The following CTNNA2 variants were observed in gnomAD, a reference collection of about 807,000 sequenced individuals.
CTNNA2 encodes catenin alpha-2.
In CTNNA2, 42 loss-of-function variants were observed where a neutral mutation model predicts 101.0. The observed-to-expected ratio is 0.42, with a 90% CI of 0.32 to 0.54. The LOEUF is 0.54. Among genes scored for constraint, CTNNA2 ranks in the 20% least tolerant of loss-of-function variants. The pLI, the probability that CTNNA2 is intolerant of heterozygous loss-of-function variation, is 0.14. For missense variants in CTNNA2, 871 were observed against 1,223.1 expected (o/e 0.71, Z 4.29); for synonymous variants, 450 against 456.4 (o/e 0.99, Z 0.18).
At chr2:80,472,724 G>T (rs190331745) in intron 9 of CTNNA2, among the ~76,000 whole-genome samples, 5 of 152,154 alleles carry the variant, frequency 3.3e-5, no homozygotes, top group Non-Finnish European at 7.3e-5. Context: ...CTAGGGTGGG[G>T]AGAGATGGAG....
chr2:79,880,323 G>A lies in CTNNA2; in HGVS notation c.852+5981G>A, dbSNP rs185542251. Among the ~76,000 whole-genome samples, 48 of 152,058 alleles carry A rather than the reference G, an allele frequency of 3.2e-4. No homozygotes were observed. In the East Asian group the frequency reaches 7.2e-3, roughly 23 times the overall value. On this transcript the variant is annotated intron_variant, in intron 6 of 18. Transcript: ENST00000402739. ...CTCAGTTTCAGTATCAAGATGATGC[G>A]GGCTCCATAAAATGAGTTAGGGAGG...
chr2:80,456,193 T>G (rs1429184055), intron 9 of CTNNA2, among the ~76,000 whole-genome samples: 1 of 152,208 alleles, frequency 6.6e-6, no homozygotes, highest in Non-Finnish European at 1.5e-5. Flanking sequence ...CCTGAGCTAT[T>G]GGTGACATGG....
intron 7 of CTNNA2, among the ~76,000 whole-genome samples, chr2:80,349,694 A>G (rs184383643): frequency 6.6e-6 from 1 of 152,036 alleles, no homozygotes; most frequent in Admixed American, 6.5e-5. Flanking sequence ...TAATGAATGA[A>G]TTAATTAAAT....
At chr2:79,584,547 G>A (rs1200887740) in intron 1 of CTNNA2, among the ~76,000 whole-genome samples, 11 of 147,458 alleles carry the variant, frequency 7.5e-5, no homozygotes, top group Admixed American at 2.7e-4. Flanking sequence ...TTTTTTTGAC[G>A]GAGTCTTGCT....
intron 7 of CTNNA2, among the ~76,000 whole-genome samples, chr2:80,208,467 G>C (rs931775476): frequency 1.3e-5 from 2 of 152,134 alleles, no homozygotes; most frequent in Non-Finnish European, 2.9e-5. Flanking sequence ...TCAACAAAAT[G>C]TATTGATGGA....
chr2:80,555,671 T>C (rs769230905), intron 11 of CTNNA2, 22 bp from the exon 12 acceptor site: 48 of 1,391,848 alleles, frequency 3.4e-5, no homozygotes, highest in Non-Finnish European at 4.3e-5. Flanking sequence ...GTCATCTAAA[T>C]GTGTATGTGT....
intron 7 of CTNNA2, among the ~76,000 whole-genome samples, chr2:79,978,230 T>G (rs1691006532): frequency 6.6e-6 from 1 of 152,186 alleles, no homozygotes; most frequent in Non-Finnish European, 1.5e-5. Flanking sequence ...ACCGTATATT[T>G]GTCTTGCACG....
At chr2:79,813,522 C>A (rs1451342606) in intron 3 of CTNNA2, among the ~76,000 whole-genome samples, 1 of 152,176 alleles carries the variant, frequency 6.6e-6, no homozygotes, top group Non-Finnish European at 1.5e-5. Flanking sequence ...GCATCATTTA[C>A]TGAAATGGGG....
At chr2:80,575,657 T>G (rs1340866603) in intron 13 of CTNNA2, among the ~76,000 whole-genome samples, 1 of 152,140 alleles carries the variant, frequency 6.6e-6, no homozygotes, top group African/African-American at 2.4e-5. Flanking sequence ...CCTCAAGATA[T>G]ATTCCCTCTT....
In CTNNA2 at chr2:80,319,660, G is replaced by C. The variant is rs75145626; in HGVS notation, c.1057-73551G>C. ...TAGTGAGACTGTATCTGGGTCTCCA[G>C]TTCCACAATTCTGCTTTTCACTCTG... On this transcript the variant is annotated intron_variant, in intron 7 of 18. Transcript: ENST00000402739. Among the ~76,000 whole-genome samples the C allele has an allele frequency of 3.0e-3, 459 of 152,276 alleles. 4 individuals carry two copies. The highest frequency in any genetic ancestry group is 0.01 in the African/African-American group (433 of 41,552).
intron 1 of CTNNA2, among the ~76,000 whole-genome samples, chr2:79,577,155 G>T (rs1288783341): frequency 6.6e-6 from 1 of 152,020 alleles, no homozygotes; most frequent in Non-Finnish European, 1.5e-5. Context: ...TCATCTGAAA[G>T]TTCTTATAAC....
chr2:79,231,043 G>T (rs1674485797), intron 2 of CTNNA2, among the ~76,000 whole-genome samples: 1 of 152,128 alleles, frequency 6.6e-6, no homozygotes, highest in Admixed American at 6.5e-5. Context: ...GAGTTGTATT[G>T]TCTCAGGTGA....
At chr2:80,415,862 TA>T (rs1483516918) in intron 8 of CTNNA2, among the ~76,000 whole-genome samples, 1 of 152,148 alleles carries the variant, frequency 6.6e-6, no homozygotes, top group Non-Finnish European at 1.5e-5. Flanking sequence ...ATTAACCATA[TA>T]AAAATAGAAA....
chr2:80,592,664 A>C (rs1441866799), intron 15 of CTNNA2, among the ~76,000 whole-genome samples: 1 of 152,170 alleles, frequency 6.6e-6, no homozygotes, highest in Non-Finnish European at 1.5e-5. Flanking sequence ...GAAGCCTCTG[A>C]AAAGTGACTT....
intron 3 of CTNNA2, among the ~76,000 whole-genome samples, chr2:79,355,132 C>A (rs1241023369): frequency 6.6e-6 from 1 of 152,044 alleles, no homozygotes; most frequent in East Asian, 1.9e-4. Flanking sequence ...GGTACCATAA[C>A]CTTGTAGTAT....
chr2:79,567,596 A>C (rs1675192210), intron 1 of CTNNA2, among the ~76,000 whole-genome samples: 1 of 151,978 alleles, frequency 6.6e-6, no homozygotes, highest in Non-Finnish European at 1.5e-5. Context: ...CTCTCATCCC[A>C]GTCAAAATGA....
intron 17 of CTNNA2, among the ~76,000 whole-genome samples, chr2:80,617,197 C>G (rs3770358): frequency 0.57 from 86,496 of 151,332 alleles, 25,070 homozygotes; most frequent in East Asian, 0.66. Flanking sequence ...GTTTCTAATA[C>G]GTAATAATTT....
At chr2:80,380,547 A>G (rs1005399670) in intron 7 of CTNNA2, among the ~76,000 whole-genome samples, 1 of 152,182 alleles carries the variant, frequency 6.6e-6, no homozygotes, top group Non-Finnish European at 1.5e-5. Context: ...GTGTTGTCAT[A>G]AGAATCCAGT....
At chr2:79,333,062 GA>G (rs1676911219) in intron 3 of CTNNA2, among the ~76,000 whole-genome samples, 1 of 152,164 alleles carries the variant, frequency 6.6e-6, no homozygotes, top group Non-Finnish European at 1.5e-5. Flanking sequence ...TCAGAATTTT[GA>G]AAGAAACGCA....
Sources: allele counts gnomAD v4.1 joint callset (sites outside exome capture counted in the v4.1 genomes callset), GRCh38; gene constraint gnomAD v4.1.1; transcripts MANE v1.5; gene names NCBI Gene and HGNC (gene_info 2026-07-23, HGNC 2026-07-21).